Variants in R3HCC1L observed in about 807,000 individuals in gnomAD.
R3HCC1L encodes the protein R3H domain and coiled-coil containing 1 like, also known as coiled-coil domain-containing protein R3HCC1L.
R3HCC1L carries 51 observed loss-of-function variants against 59.9 expected under a neutral mutation model. The ratio of observed to expected loss-of-function variants is 0.85; its 90% CI spans 0.68 to 1.07. The LOEUF is 1.07. R3HCC1L is among the 50% of genes least tolerant of loss of function. The pLI is 0.00. For synonymous variants in R3HCC1L, 322 were observed against 315.2 expected (o/e 1.02, Z -0.23); for missense variants, 965 against 933.0 (o/e 1.03, Z -0.45).
intron 4 of R3HCC1L, among the ~76,000 whole-genome samples, chr10:98,168,286 A>G (rs756648312): frequency 2.0e-5 from 3 of 152,186 alleles, no homozygotes; most frequent in Non-Finnish European, 4.4e-5. Flanking sequence ...ATAGGTGCTA[A>G]CATTAAACTT....
At chr10:98,227,655 A>G (rs1200643711) in intron 5 of R3HCC1L, among the ~76,000 whole-genome samples, 3 of 151,346 alleles carry the variant, frequency 2.0e-5, no homozygotes, top group Non-Finnish European at 4.4e-5. Flanking sequence ...ATATGTATAC[A>G]GGTGCCATGT....
rs776764430 is a variant in R3HCC1L at position 98,209,861 on chromosome 10, G to A, written c.1747G>A (p.Asp583Asn). 8.6e-5 allele frequency: 139 copies of A among 1,613,304 alleles called. No individual in the cohort carries two copies. Among genetic ancestry groups the A allele is most frequent in the Non-Finnish European group, 1.2e-4 (136 of 1,179,552 alleles). ...GGAGAGCTGGGAGTCTATGTTTAAC[G>A]ATGATGGTGACTGCCTGGATCCACG... is the stretch of plus-strand genomic sequence containing the variant. Reference protein sequence around the residue: ...IEESWESMFNDDGDCLDPRLL... With the variant: ...IEESWESMFNNDGDCLDPRLL... Residue 583 changes from aspartate (D) to asparagine (N), a missense_variant, in exon 5 of 10, where the codon GAT (aspartate) becomes AAT (asparagine). By Grantham distance (23) the Asp-to-Asn change is conservative (BLOSUM62 1). Coordinates refer to ENST00000298999, the MANE Select transcript of R3HCC1L (RefSeq NM_001351015.2).
chr10:98,231,061 A>T, intron 5 of R3HCC1L: 1 of 420,558 alleles, frequency 2.4e-6, no homozygotes, highest in Non-Finnish European at 4.7e-6. Flanking sequence ...AGTTTTTTTG[A>T]ATTTTATTTA....
intron 2 of R3HCC1L, among the ~76,000 whole-genome samples, chr10:98,161,982 GT>G (rs1029589985): frequency 3.4e-4 from 51 of 152,200 alleles, no homozygotes; most frequent in African/African-American, 1.2e-3. Context: ...TAATGCTGTT[GT>G]TTTGTGCTGA....
Position 98,209,458 on chromosome 10 carries a change from T to A in R3HCC1L, c.1344T>A (p.Gly448=). The change falls in exon 5 of 10, where the codon GGT becomes GGA. Residue 448 remains glycine, a synonymous_variant. Transcript: ENST00000298999. The part of the protein sequence containing the change: ...SNPSACSDIY[G]ESISSHFTES... ...CTTCTGCTTGCTCAGATATTTATGG[T>A]GAGAGTATTTCATCTCATTTTACAG... 1 of 1,613,642 alleles carries A rather than the reference T, an allele frequency of 6.2e-7. No individual in the cohort carries two copies. Among genetic ancestry groups the A allele is most frequent in the East Asian group, 2.2e-5 (1 of 44,868 alleles).
intron 4 of R3HCC1L, among the ~76,000 whole-genome samples, chr10:98,188,495 C>T (rs1222885031): frequency 6.6e-6 from 1 of 152,108 alleles, no homozygotes; most frequent in Non-Finnish European, 1.5e-5. Flanking sequence ...TGTTTGGATC[C>T]ATTATAGGAT....
intron 1 of R3HCC1L, among the ~76,000 whole-genome samples, chr10:98,139,975 T>C (rs1844984857): frequency 6.6e-6 from 1 of 151,886 alleles, no homozygotes; most frequent in Non-Finnish European, 1.5e-5. Flanking sequence ...TGGGTCAAAC[T>C]GAACATGAGG....
intron 4 of R3HCC1L, among the ~76,000 whole-genome samples, chr10:98,176,362 T>C (rs556242669): frequency 1.6e-4 from 25 of 152,322 alleles, no homozygotes; most frequent in African/African-American, 6.0e-4. Context: ...AGAATTGATA[T>C]CTTAAATATT....
chr10:98,198,557 A>G (rs1420949548), intron 4 of R3HCC1L, among the ~76,000 whole-genome samples: 5 of 151,780 alleles, frequency 3.3e-5, no homozygotes, highest in Non-Finnish European at 7.4e-5. Flanking sequence ...AGGAAAAAAA[A>G]AAAAGTTGGG....
chr10:98,184,776 G>A (rs1470557777), intron 4 of R3HCC1L, among the ~76,000 whole-genome samples: 3 of 152,110 alleles, frequency 2.0e-5, no homozygotes, highest in Non-Finnish European at 4.4e-5. Context: ...CAGAGATCTT[G>A]CCCCTTCTTT....
intron 5 of R3HCC1L, among the ~76,000 whole-genome samples, chr10:98,219,761 A>G (rs1854648221): frequency 6.6e-6 from 1 of 152,012 alleles, no homozygotes; most frequent in African/African-American, 2.4e-5. Flanking sequence ...TCTGATGGGA[A>G]TCCCTTCTGT....
intron 1 of R3HCC1L, among the ~76,000 whole-genome samples, chr10:98,142,965 AAAC>A (rs1845305124): frequency 6.8e-6 from 1 of 146,502 alleles, no homozygotes; most frequent in Non-Finnish European, 1.5e-5. Context: ...AAACAAAACA[AAAC>A]AAAAAAAAAA....
chr10:98,200,404 A>C (rs558280311), intron 4 of R3HCC1L, among the ~76,000 whole-genome samples: 4 of 152,130 alleles, frequency 2.6e-5, no homozygotes, highest in Non-Finnish European at 5.9e-5. Context: ...TCCGTCTGCA[A>C]ACTTGTAACT....
intron 5 of R3HCC1L, among the ~76,000 whole-genome samples, chr10:98,224,070 G>T (rs187176885): frequency 6.6e-6 from 1 of 152,178 alleles, no homozygotes; most frequent in African/African-American, 2.4e-5. Flanking sequence ...AAGTGGGGCA[G>T]GCTAATCCCT....
At chr10:98,163,781 G>T (rs910015641) in intron 4 of R3HCC1L, among the ~76,000 whole-genome samples, 3 of 152,032 alleles carry the variant, frequency 2.0e-5, no homozygotes, top group Non-Finnish European at 4.4e-5. Context: ...TTATTTTAAG[G>T]GTTTGATTAA....
At chr10:98,218,138 G>A (rs1426012340) in intron 5 of R3HCC1L, among the ~76,000 whole-genome samples, 1 of 152,062 alleles carries the variant, frequency 6.6e-6, no homozygotes, top group African/African-American at 2.4e-5. Flanking sequence ...AATGTTAGGT[G>A]TGAGTTTGTC....
Position 98,152,494 on chromosome 10 carries a change from G to A in R3HCC1L, c.-267-3599G>A, listed in dbSNP as rs1397143623. 1.5e-5 allele frequency among the ~76,000 whole-genome samples: 2 copies of A among 133,210 alleles called. 1 individual carries two copies. Among genetic ancestry groups the A allele is most frequent in the Admixed American group, 1.6e-4 (2 of 12,518 alleles). The allele number at this position is 133,210 out of a possible 152,430, so 87.4% of individuals were successfully genotyped here. A position where few individuals can be genotyped will look rare whatever the true frequency, so the allele number is the denominator to read the frequency against. ...AGCGCCTCTTCCCGGCCGCCATCCCGTCTAGGAAGTGAGGAGCGTCTCTGC... is the reference window on the plus strand; with the variant it reads ...AGCGCCTCTTCCCGGCCGCCATCCCATCTAGGAAGTGAGGAGCGTCTCTGC... On this transcript the variant is annotated intron_variant, in intron 1 of 9. Transcript: ENST00000298999.
intron 1 of R3HCC1L, among the ~76,000 whole-genome samples, chr10:98,140,123 G>C (rs1057367205): frequency 6.6e-6 from 1 of 152,012 alleles, no homozygotes; most frequent in South Asian, 2.1e-4. Flanking sequence ...AATGCCTGTA[G>C]TGTTCATATT....
chr10:98,209,942 A>G, intron 5 of R3HCC1L, 43 bp downstream of exon 5: 1 of 1,490,796 alleles, frequency 6.7e-7, no homozygotes. Context: ...TAGTTTATAA[A>G]TTAGGATTTC....
Sources: gnomAD v4.1 joint callset for allele counts (sites outside exome capture counted in the v4.1 genomes callset) on GRCh38, gnomAD v4.1.1 for gene constraint, MANE v1.5 for transcripts, NCBI Gene and HGNC (gene_info 2026-07-23, HGNC 2026-07-21) for gene names.